Variants in RYR2 observed in about 807,000 individuals in gnomAD.
RYR2 encodes cardiac muscle ryanodine receptor-calcium release channel.
In RYR2, 227 loss-of-function variants were observed where a neutral mutation model predicts 601.1. That is an observed-to-expected ratio of 0.38 (90% CI 0.34 to 0.42). The LOEUF (loss-of-function observed/expected upper bound fraction) is 0.42. Ranked by LOEUF, RYR2 falls within the 10% of genes least tolerant of loss-of-function variation. The pLI, the probability that RYR2 is intolerant of heterozygous loss-of-function variation, is 1.00. For synonymous variants in RYR2, 2,223 were observed against 2,175.1 expected (o/e 1.02, Z -0.61); for missense variants, 4,646 against 6,156.5 (o/e 0.75, Z 8.21).
At chr1:237,183,639 G>T (rs1162762733) in intron 1 of RYR2, among the ~76,000 whole-genome samples, 1 of 152,158 alleles carries the variant, frequency 6.6e-6, no homozygotes, top group Non-Finnish European at 1.5e-5. Flanking sequence ...AGTTTTGGGG[G>T]ACTCTTTGGA....
intron 10 of RYR2, among the ~76,000 whole-genome samples, chr1:237,413,110 G>A (rs1485558908): frequency 6.6e-6 from 1 of 152,068 alleles, no homozygotes; most frequent in East Asian, 1.9e-4. Context: ...GTCTGAAACA[G>A]CCCATGAAGA....
chr1:237,047,770 C>A (rs1219387428), intron 1 of RYR2, among the ~76,000 whole-genome samples: 2 of 152,062 alleles, frequency 1.3e-5, no homozygotes, highest in Non-Finnish European at 2.9e-5. Flanking sequence ...ATGCTTTTTC[C>A]AGGTGCTTTT....
At chr1:237,645,746 A>G (rs1053026192) in intron 48 of RYR2, among the ~76,000 whole-genome samples, 3 of 152,124 alleles carry the variant, frequency 2.0e-5, no homozygotes, top group Admixed American at 1.3e-4. Context: ...CTTCAAATAT[A>G]TGCAGTATAT....
intron 22 of RYR2, among the ~76,000 whole-genome samples, 159 bp from the exon 23 acceptor site, chr1:237,506,551 A>T (rs1221612134): frequency 1.3e-5 from 2 of 152,018 alleles, no homozygotes; most frequent in East Asian, 3.9e-4. Flanking sequence ...GGGAAAAAAA[A>T]AAAAAAAGAA....
chr1:237,445,266 C>T, intron 13 of RYR2, 135 bp from the exon 14 acceptor site: 1 of 1,004,990 alleles, frequency 1.0e-6, no homozygotes, highest in Non-Finnish European at 1.5e-6. Flanking sequence ...CTGAACGTAA[C>T]AGCTTCACAG....
chr1:237,255,865 G>GTGTA (rs1687914853), intron 1 of RYR2, among the ~76,000 whole-genome samples: 1 of 151,890 alleles, frequency 6.6e-6, no homozygotes, highest in Non-Finnish European at 1.5e-5. Context: ...GTGTGTGTGT[G>GTGTA]TGTGTGTGAG....
chr1:237,133,640 G>A (rs1217515292), intron 1 of RYR2, among the ~76,000 whole-genome samples: 2 of 152,138 alleles, frequency 1.3e-5, no homozygotes, highest in African/African-American at 2.4e-5. Flanking sequence ...TAGGAGAAGA[G>A]AGCAACTTGT....
intron 29 of RYR2, 64 bp from the exon 30 acceptor site, chr1:237,589,729 T>G: frequency 6.7e-7 from 1 of 1,491,628 alleles, no homozygotes; most frequent in Non-Finnish European, 9.2e-7. Context: ...ATATGTTTGA[T>G]AATTCTATAC....
chr1:237,178,466 G>GTGTT (rs1553331401), intron 1 of RYR2, among the ~76,000 whole-genome samples: 26 of 118,876 alleles, frequency 2.2e-4, no homozygotes, highest in African/African-American at 7.3e-4. Flanking sequence ...GTGTGTGTGT[G>GTGTT]TGTTTAAAAG....
chr1:237,065,710 T>C (rs139274020), intron 1 of RYR2, among the ~76,000 whole-genome samples: 227 of 152,306 alleles, frequency 1.5e-3, no homozygotes, highest in African/African-American at 5.3e-3. Context: ...TAGTCCGTTC[T>C]TGCACTGCTG....
intron 1 of RYR2, among the ~76,000 whole-genome samples, chr1:237,155,177 T>TCC (rs1476786542): frequency 3.7e-5 from 2 of 53,334 alleles, no homozygotes; most frequent in Non-Finnish European, 9.5e-5. Context: ...TTTTTTTCTT[T>TCC]TCTTTTTTTT....
At chr1:237,334,414 A>T (rs1404750309) in intron 3 of RYR2, among the ~76,000 whole-genome samples, 1 of 149,434 alleles carries the variant, frequency 6.7e-6, no homozygotes, top group Admixed American at 6.8e-5. Flanking sequence ...ATCTAAGTGG[A>T]TTTTCTAAAA....
At chr1:237,216,168 A>G (rs1329737682) in intron 1 of RYR2, among the ~76,000 whole-genome samples, 2 of 152,198 alleles carry the variant, frequency 1.3e-5, no homozygotes, top group Non-Finnish European at 2.9e-5. Context: ...CCTTCAACTT[A>G]ACTTTAATTC....
intron 1 of RYR2, among the ~76,000 whole-genome samples, chr1:237,237,269 A>G (rs971390650): frequency 6.6e-6 from 1 of 152,200 alleles, no homozygotes; most frequent in African/African-American, 2.4e-5. Context: ...TGTTAGTAGT[A>G]TCCTTTGATT....
intron 1 of RYR2, among the ~76,000 whole-genome samples, chr1:237,131,745 G>A (rs972331621): frequency 6.6e-6 from 1 of 151,668 alleles, no homozygotes; most frequent in African/African-American, 2.4e-5. Flanking sequence ...TTTTTAGGTA[G>A]AGTCTTGCTC....
At chr1:237,440,047 T>G (rs1428632647) in intron 12 of RYR2, among the ~76,000 whole-genome samples, 1 of 152,230 alleles carries the variant, frequency 6.6e-6, no homozygotes, top group African/African-American at 2.4e-5. Flanking sequence ...AATGATTGAA[T>G]CAACTTAATT....
At chr1:237,239,740 T>A (rs1685950824) in intron 1 of RYR2, among the ~76,000 whole-genome samples, 1 of 152,170 alleles carries the variant, frequency 6.6e-6, no homozygotes, top group South Asian at 2.1e-4. Flanking sequence ...ACAGCCTAAA[T>A]AATTTCTTTT....
intron 67 of RYR2, among the ~76,000 whole-genome samples, 200 bp from the exon 68 acceptor site, chr1:237,706,749 G>A (rs1041201104): frequency 2.1e-4 from 32 of 152,156 alleles, no homozygotes; most frequent in Non-Finnish European, 4.4e-4. Context: ...TTTTCTGGGA[G>A]TGATGGTACA....
chr1:237,096,022 A>C (rs534906752), intron 1 of RYR2, among the ~76,000 whole-genome samples: 11 of 152,324 alleles, frequency 7.2e-5, no homozygotes, highest in African/African-American at 2.6e-4. Flanking sequence ...AATGATTCTG[A>C]AAAATTGGAC....
Sources: allele counts gnomAD v4.1 joint callset (sites outside exome capture counted in the v4.1 genomes callset), GRCh38; gene constraint gnomAD v4.1.1; transcripts MANE v1.5; gene names NCBI Gene and HGNC (gene_info 2026-07-23, HGNC 2026-07-21).